Variants in PCDH15 observed in about 807,000 individuals in gnomAD.
PCDH15 encodes protocadherin-15.
Under a neutral mutation model 178.5 loss-of-function variants are expected in PCDH15, and 129 were observed. The ratio of observed to expected loss-of-function variants is 0.72; its 90% CI spans 0.63 to 0.84. The LOEUF is 0.84. Among genes scored for constraint, PCDH15 ranks in the 40% least tolerant of loss-of-function variants. PCDH15 has a pLI of 0.00. For synonymous variants in PCDH15, 800 were observed against 732.0 expected, an observed-to-expected ratio of 1.09 and a Z score of -1.50; for missense variants, 2,230 against 2,099.9, an observed-to-expected ratio of 1.06 and a Z score of -1.21.
At chr10:54,167,319 C>T (rs979012587) in intron 13 of PCDH15, among the ~76,000 whole-genome samples, 2 of 152,118 alleles carry the variant, frequency 1.3e-5, no homozygotes, top group Non-Finnish European at 2.9e-5. Flanking sequence ...CTCTCACTGT[C>T]CCTCAACCAC....
intron 3 of PCDH15, among the ~76,000 whole-genome samples, chr10:54,845,937 A>G (rs527839773): frequency 6.6e-6 from 1 of 152,254 alleles, no homozygotes; most frequent in South Asian, 2.1e-4. Flanking sequence ...GTTTTCCCTG[A>G]CCAGAAATGT....
chr10:54,895,400 G>C (rs1031520507), intron 3 of PCDH15, among the ~76,000 whole-genome samples: 1 of 152,092 alleles, frequency 6.6e-6, no homozygotes, highest in Admixed American at 6.6e-5. Context: ...TGAATGTCTG[G>C]GTGAGGCTTC....
intron 2 of PCDH15, among the ~76,000 whole-genome samples, chr10:54,933,200 CATA>C (rs36117734): frequency 0.13 from 20,399 of 152,086 alleles, 1,535 homozygotes; most frequent in East Asian, 0.23. Context: ...AACAAAATCT[CATA>C]ATGACACATT....
At chr10:54,314,841 T>C (rs2061142334) in intron 8 of PCDH15, among the ~76,000 whole-genome samples, 1 of 152,142 alleles carries the variant, frequency 6.6e-6, no homozygotes. Flanking sequence ...TCCCACTCCA[T>C]CTATGTTCCC....
chr10:55,164,302 T>G (rs1839140612), intron 2 of PCDH15, among the ~76,000 whole-genome samples: 1 of 139,436 alleles, frequency 7.2e-6, no homozygotes, highest in Non-Finnish European at 1.6e-5. Context: ...TAAAATGTAT[T>G]TTTTTTTTTA....
At chr10:54,417,990 A>G (rs2135755426) in intron 3 of PCDH15, among the ~76,000 whole-genome samples, 1 of 152,282 alleles carries the variant, frequency 6.6e-6, no homozygotes, top group Admixed American at 6.5e-5. Context: ...AAAGTGCGTT[A>G]CAGCTTCAAA....
At chr10:54,663,643 C>G (rs908725445) in intron 2 of PCDH15, among the ~76,000 whole-genome samples, 2 of 149,962 alleles carry the variant, frequency 1.3e-5, no homozygotes, top group Non-Finnish European at 3.0e-5. Context: ...AATCAAATAC[C>G]AAATCAAATA....
At chr10:54,907,113 G>C (rs1954737568) in intron 2 of PCDH15, among the ~76,000 whole-genome samples, 1 of 152,216 alleles carries the variant, frequency 6.6e-6, no homozygotes, top group South Asian at 2.1e-4. Context: ...TCCTTTCCAT[G>C]AGTGTATATT....
chr10:55,345,393 G>GCCAT (rs1334193050), intron 2 of PCDH15, among the ~76,000 whole-genome samples: 2 of 151,824 alleles, frequency 1.3e-5, no homozygotes, highest in Non-Finnish European at 2.9e-5. Context: ...CTCTCAAAGT[G>GCCAT]CCATCCATCA....
intron 2 of PCDH15, among the ~76,000 whole-genome samples, chr10:54,597,003 T>C (rs2092274745): frequency 6.6e-6 from 1 of 151,922 alleles, no homozygotes; most frequent in African/African-American, 2.4e-5. Context: ...TACGGGGAAA[T>C]TTTGACACCC....
intron 1 of PCDH15, among the ~76,000 whole-genome samples, chr10:54,760,292 C>A (rs1042940188): frequency 2.6e-5 from 4 of 151,890 alleles, no homozygotes; most frequent in African/African-American, 9.7e-5. Context: ...CTCACTAGTT[C>A]TTTGAAGTTC....
intron 2 of PCDH15, among the ~76,000 whole-genome samples, chr10:54,977,616 T>TA (rs1221294371): frequency 6.6e-6 from 1 of 152,174 alleles, no homozygotes; most frequent in African/African-American, 2.4e-5. Context: ...TAAATAATAG[T>TA]AAAAATGCCC....
chr10:53,826,463 C>G (rs1390711317), intron 32 of PCDH15, among the ~76,000 whole-genome samples: 1 of 151,946 alleles, frequency 6.6e-6, no homozygotes, highest in South Asian at 2.1e-4. Context: ...ACGGATGTCA[C>G]ATGTAATAAC....
chr10:54,159,746 T>TAGAAATAA (rs1332230123), intron 13 of PCDH15, among the ~76,000 whole-genome samples: 1 of 152,172 alleles, frequency 6.6e-6, no homozygotes. Flanking sequence ...AGTGGTAGAA[T>TAGAAATAA]TGTCCCTGTA....
chr10:54,074,513 A>T (rs1271272944), intron 17 of PCDH15, among the ~76,000 whole-genome samples: 2 of 152,178 alleles, frequency 1.3e-5, no homozygotes, highest in Non-Finnish European at 1.5e-5. Context: ...GATATAGTGT[A>T]TGTCATACTT....
chr10:54,149,699 G>C (rs1290301536), intron 14 of PCDH15, among the ~76,000 whole-genome samples: 4 of 152,190 alleles, frequency 2.6e-5, no homozygotes, highest in Non-Finnish European at 4.4e-5. Context: ...TGGAAAGCTT[G>C]AGTAATGGAT....
At chr10:54,926,702 T>C (rs910233482) in intron 2 of PCDH15, among the ~76,000 whole-genome samples, 15 of 152,110 alleles carry the variant, frequency 9.9e-5, no homozygotes, top group Non-Finnish European at 1.9e-4. Flanking sequence ...TGTTCAAAAA[T>C]CTATCCATTC....
At chr10:54,945,364 T>TATAG (rs59385596) in intron 2 of PCDH15, among the ~76,000 whole-genome samples, 28,415 of 146,006 alleles carry the variant, frequency 0.19, 3,176 homozygotes, top group Non-Finnish European at 0.25. Flanking sequence ...TAGATAGATA[T>TATAG]ATAGATAGAT....
intron 2 of PCDH15, among the ~76,000 whole-genome samples, chr10:54,616,976 T>A (rs117920001): frequency 0.012 from 1,889 of 152,164 alleles, 27 homozygotes; most frequent in Non-Finnish European, 0.019. Context: ...ATAAGTGATA[T>A]GTCATTAAGG....
Sources: allele counts gnomAD v4.1 joint callset (sites outside exome capture counted in the v4.1 genomes callset), GRCh38; gene constraint gnomAD v4.1.1; transcripts MANE v1.5; gene names NCBI Gene and HGNC (gene_info 2026-07-23, HGNC 2026-07-21).